Variants in AFAP1 observed in about 807,000 individuals in gnomAD.
AFAP1 encodes actin filament-associated protein 1.
A neutral mutation model predicts 93.9 loss-of-function variants in AFAP1; 75 were observed. The observed-to-expected ratio is 0.80, with a 90% CI of 0.66 to 0.97. The LOEUF (loss-of-function observed/expected upper bound fraction) is 0.97. Ranked by LOEUF, AFAP1 falls within the 50% of genes least tolerant of loss-of-function variation. The probability of loss-of-function intolerance (pLI) is 0.00; values close to 1 mark genes in which losing one functional copy is unlikely to be tolerated. For synonymous variants in AFAP1, 517 were observed against 430.7 expected, an observed-to-expected ratio of 1.20 and a Z score of -2.48; for missense variants, 1,201 against 1,050.8, an observed-to-expected ratio of 1.14 and a Z score of -1.98.
intron 1 of AFAP1, among the ~76,000 whole-genome samples, chr4:7,934,646 C>T (rs979091965): frequency 6.6e-6 from 1 of 152,152 alleles, no homozygotes; most frequent in African/African-American, 2.4e-5. Context: ...ACCGCACACA[C>T]AGCTTCTGAG....
chr4:7,824,205 T>G (rs1214572670), intron 6 of AFAP1, among the ~76,000 whole-genome samples: 3 of 152,208 alleles, frequency 2.0e-5, no homozygotes, highest in African/African-American at 7.2e-5. Context: ...CAATGTGTAT[T>G]TAAGAGAACT....
intron 6 of AFAP1, among the ~76,000 whole-genome samples, chr4:7,830,151 G>A (rs536760917): frequency 4.4e-4 from 67 of 152,290 alleles, no homozygotes; most frequent in African/African-American, 1.4e-3. Flanking sequence ...TCTATGGGGC[G>A]GGGCGAGGGG....
intron 4 of AFAP1, among the ~76,000 whole-genome samples, chr4:7,845,228 G>C (rs1713542896): frequency 6.6e-6 from 1 of 151,972 alleles, no homozygotes. Context: ...TCAAGACCAA[G>C]CCTGGGCAAC....
intron 1 of AFAP1, among the ~76,000 whole-genome samples, chr4:7,906,502 T>C (rs1719411232): frequency 6.6e-6 from 1 of 152,204 alleles, no homozygotes; most frequent in Admixed American, 6.5e-5. Context: ...CCAATGTATT[T>C]GGGCAACCGC....
intron 2 of AFAP1, among the ~76,000 whole-genome samples, chr4:7,870,221 A>G (rs536519746): frequency 4.3e-4 from 66 of 152,320 alleles, no homozygotes; most frequent in African/African-American, 1.4e-3. Context: ...AGAATCAAAA[A>G]GGCAGTTTAA....
At chr4:7,913,457 T>G (rs1577354828) in intron 1 of AFAP1, among the ~76,000 whole-genome samples, 1 of 152,240 alleles carries the variant, frequency 6.6e-6, no homozygotes, top group East Asian at 1.9e-4. Flanking sequence ...TTGTGAAACT[T>G]TAATTACAAT....
At chr4:7,871,507 G>A (rs926860378) in intron 2 of AFAP1, among the ~76,000 whole-genome samples, 10 of 152,186 alleles carry the variant, frequency 6.6e-5, no homozygotes, top group African/African-American at 9.7e-5. Flanking sequence ...TGAGGACAGC[G>A]TGTGCTCTGT....
Position 7,863,971 on chromosome 4 carries a change from A to ACACCTT in AFAP1, c.225+4650_225+4651insAAGGTG, listed in dbSNP as rs1716064090. ...AACCCATTCCCAACTTCCCATCACA[A>ACACCTT]CCCATTCCCAACTTCCCATCACAAC... On this transcript the variant is annotated intron_variant, in intron 3 of 17. Coordinates refer to ENST00000420658, the MANE Select transcript of AFAP1 (RefSeq NM_001134647.2). Among the ~76,000 whole-genome samples, 10 of 152,326 alleles carry ACACCTT rather than the reference A, an allele frequency of 6.6e-5. 1 individual carries two copies. The highest frequency in any genetic ancestry group is 1.2e-4 in the African/African-American group (5 of 41,578).
intron 4 of AFAP1, among the ~76,000 whole-genome samples, chr4:7,850,031 T>A (rs1416819500): frequency 6.6e-6 from 1 of 152,022 alleles, no homozygotes; most frequent in Non-Finnish European, 1.5e-5. Context: ...CAGACGAACT[T>A]TGGCTTTAAC....
chr4:7,838,416 T>C, intron 6 of AFAP1, 108 bp downstream of exon 6: 1 of 1,295,164 alleles, frequency 7.7e-7, no homozygotes, highest in Non-Finnish European at 1.0e-6. Flanking sequence ...TTTGGGTGAA[T>C]CCATCTTGCC....
rs191578883 is a variant in AFAP1 at position 7,778,934 on chromosome 4, G to C, written c.1783-58C>G. 4.5e-6 allele frequency: 6 copies of C among 1,324,324 alleles called. No homozygotes were observed. In the African/African-American group the frequency reaches 5.9e-5, roughly 13 times the overall value. 82.0% of individuals were successfully genotyped at this position (1,324,324 alleles called of 1,614,324 possible). A position where few individuals can be genotyped will look rare whatever the true frequency, so the allele number is the denominator to read the frequency against. On this transcript the variant is annotated intron_variant, in intron 13 of 17. Transcript: ENST00000420658. The stretch of plus-strand genomic sequence containing the variant: ...TAAACACAAAGTCAAACAAATCTTG[G>C]TCTTTTTTTTTTCTGGAGTCATTTC...
Position 7,785,373 on chromosome 4 carries a change from T to C in AFAP1, c.1530+821A>G, listed in dbSNP as rs115530757. Among the ~76,000 whole-genome samples the C allele has an allele frequency of 8.5e-3, 1,287 of 152,216 alleles. 16 individuals carry two copies. The highest frequency in any genetic ancestry group is 0.021 in the Middle Eastern group (6 of 292). On this transcript the variant is annotated intron_variant, in intron 12 of 17. Coordinates refer to ENST00000420658, the MANE Select transcript of AFAP1 (RefSeq NM_001134647.2). ...CCTCCTGCATGGATAGATGGATAGA[T>C]GGATATACAGATAGCGCTGTGCCAG...
At chr4:7,778,558 G>T in intron 14 of AFAP1, 1 of 616,292 alleles carries the variant, frequency 1.6e-6, no homozygotes, top group Non-Finnish European at 2.9e-6. Context: ...CCAGTTCTGG[G>T]CTTCAATTTA....
intron 1 of AFAP1, among the ~76,000 whole-genome samples, chr4:7,901,659 G>A (rs1385542253): frequency 6.6e-6 from 1 of 152,224 alleles, no homozygotes; most frequent in African/African-American, 2.4e-5. Flanking sequence ...GACCTGTGAT[G>A]AGAACGGAAA....
intron 1 of AFAP1, among the ~76,000 whole-genome samples, chr4:7,878,726 T>G (rs576967611): frequency 1.3e-5 from 2 of 152,232 alleles, no homozygotes; most frequent in Admixed American, 1.3e-4. Context: ...CCTTTCAAGA[T>G]AGACACTGTT....
At chr4:7,906,421 C>A (rs1404150589) in intron 1 of AFAP1, among the ~76,000 whole-genome samples, 1 of 152,154 alleles carries the variant, frequency 6.6e-6, no homozygotes, top group East Asian at 1.9e-4. Context: ...AACAGCACTG[C>A]AAAATTAAGA....
In AFAP1 at chr4:7,918,227, G is replaced by C. The variant is rs75740822; in HGVS notation, c.-3+21429C>G. ...AGGAAACAGGGCTGCTGCCGGATGA[G>C]ACACTCGGCCCAGGTCACCAGGAAA... On this transcript the variant is annotated intron_variant, in intron 1 of 17. Transcript: ENST00000420658. 8.6e-3 allele frequency among the ~76,000 whole-genome samples: 1,216 copies of C among 141,748 alleles called. 32 individuals carry two copies. The highest frequency in any genetic ancestry group is 0.031 in the African/African-American group (1,154 of 37,466). The allele number at this position is 141,748 out of a possible 152,430, so 93.0% of individuals were successfully genotyped here.
chr4:7,778,328 T>C (rs972989239), intron 14 of AFAP1: 7 of 255,392 alleles, frequency 2.7e-5, no homozygotes, highest in Non-Finnish European at 5.4e-5. Flanking sequence ...GTCCGTGTAT[T>C]ACCTCAGCTA....
Position 7,873,342 on chromosome 4 carries a change from C to CTTTTTTTTTTTTTTTTT in AFAP1, c.-2-1279_-2-1263dup, listed in dbSNP as rs1158765422. 1.4e-4 allele frequency among the ~76,000 whole-genome samples: 7 copies of CTTTTTTTTTTTTTTTTT among 50,998 alleles called. 3 individuals are homozygous for CTTTTTTTTTTTTTTTTT. Among genetic ancestry groups the CTTTTTTTTTTTTTTTTT allele is most frequent in the African/African-American group, 3.6e-4 (5 of 13,796 alleles). The allele number at this position is 50,998 out of a possible 152,430, so 33.5% of individuals were successfully genotyped here. On this transcript the variant is annotated intron_variant, in intron 1 of 17. Transcript: ENST00000420658. ...TTAAATCTAACCTTTGAAGACACAC[C>CTTTTTTTTTTTTTTTTT]TTTTTTTTTTTTTTTTTTTTTTTTT... is the stretch of plus-strand genomic sequence containing the variant.
Sources: allele counts gnomAD v4.1 joint callset (sites outside exome capture counted in the v4.1 genomes callset), GRCh38; gene constraint gnomAD v4.1.1; transcripts MANE v1.5; gene names NCBI Gene and HGNC (gene_info 2026-07-23, HGNC 2026-07-21).